The following ATP13A3 variants were observed in gnomAD, a reference collection of about 807,000 sequenced individuals.
ATP13A3 encodes ATPase 13A3.
ATP13A3 carries 59 observed loss-of-function variants against 158.1 expected under a neutral mutation model. The ratio of observed to expected loss-of-function variants is 0.37; its 90% confidence interval spans 0.30 to 0.46. ATP13A3 has a LOEUF of 0.46. ATP13A3 is among the 20% of genes least tolerant of loss of function. The pLI, the probability that ATP13A3 is intolerant of heterozygous loss-of-function variation, is 1.00. For synonymous variants in ATP13A3, 491 were observed against 504.3 expected (o/e 0.97, Z 0.35); for missense variants, 1,166 against 1,525.2 (o/e 0.76, Z 3.92).
rs954398355 is a variant in ATP13A3, at chr3:194,450,468, A to AT, written c.839-193_839-192insA. ...ACAAAGCACGGTGTGTCAGCTAGTT[A>AT]GTCTCCTGCTAGGACACCAGCTGTG... On this transcript the variant is annotated intron_variant, in intron 10 of 33. Coordinates refer to ENST00000645319, the MANE Select transcript of ATP13A3 (RefSeq NM_001367549.1). 57 of 548,700 alleles carry AT rather than the reference A, an allele frequency of 1.0e-4. No homozygotes were observed. The African/African-American group carries it at 1.0e-3, about 10-fold the overall frequency. The allele number at this position is 548,700 out of a possible 1,614,324, so 34.0% of individuals were successfully genotyped here. A position where few individuals can be genotyped will look rare whatever the true frequency, so the allele number is the denominator to read the frequency against.
At position 194,437,325 on chromosome 3, in the gene ATP13A3, C is replaced by G; in HGVS notation, c.1985G>C (p.Cys662Ser). Residue 662 changes from cysteine to serine, a missense_variant, in exon 19 of 34, where the codon TGT becomes TCT. Transcript: ENST00000645319. ...TATTTCCTTACCTGTTTCAGGTTTA[C>G]AGAGACCGGCAATGGCCTCGGGCGC... ...KGAPEAIAGLCKPETVPVDFQ... is the reference protein window; with the variant it reads ...KGAPEAIAGLSKPETVPVDFQ... 1.2e-6 allele frequency: 2 copies of G among 1,614,222 alleles called. No homozygotes were observed. Among genetic ancestry groups the G allele is most frequent in the Non-Finnish European group, 1.7e-6 (2 of 1,180,046 alleles).
rs766275739 is a variant in ATP13A3, at chr3:194,430,935, A to G, written c.2624+8T>C. The G allele has an allele frequency of 2.5e-6, 4 of 1,604,170 alleles. No individual in the cohort carries two copies. In the African/African-American group the frequency reaches 5.4e-5, roughly 21 times the overall value. On this transcript the variant is annotated splice_region_variant and intron_variant, in intron 24 of 33. Transcript: ENST00000645319. ...AAAACCAAAACCAAAAAAGACACCAATACTTACTCAACATTTTGCAATGCT... is the reference window on the plus strand; with the variant it reads ...AAAACCAAAACCAAAAAAGACACCAGTACTTACTCAACATTTTGCAATGCT...
At chr3:194,468,284 C>T (rs1249671347) in intron 2 of ATP13A3, 1 of 151,426 alleles carries the variant, frequency 6.6e-6, no homozygotes, top group Admixed American at 6.6e-5. Flanking sequence ...ACAGTGCATG[C>T]CTGAGTCTTG....
intron 2 of ATP13A3, among the ~76,000 whole-genome samples, chr3:194,465,805 A>AACACAC (rs370056574): frequency 6.1e-5 from 9 of 148,624 alleles, no homozygotes; most frequent in African/African-American, 2.2e-4. Flanking sequence ...CTCTACTAAA[A>AACACAC]ACACACACAC....
At chr3:194,436,401 T>A (rs1393212313) in intron 20 of ATP13A3, among the ~76,000 whole-genome samples, 1 of 152,164 alleles carries the variant, frequency 6.6e-6, no homozygotes, top group Non-Finnish European at 1.5e-5. Flanking sequence ...TATGACTCAT[T>A]ATATTCTGAT....
chr3:194,454,808 A>AGCGAGACT (rs1343744159), intron 8 of ATP13A3, among the ~76,000 whole-genome samples: 1 of 150,658 alleles, frequency 6.6e-6, no homozygotes, highest in African/African-American at 2.4e-5. Flanking sequence ...TGGGAGACAG[A>AGCGAGACT]GCGAGACTCC....
At chr3:194,450,096 C>A in intron 11 of ATP13A3, 49 bp downstream of exon 11, 1 of 1,583,884 alleles carries the variant, frequency 6.3e-7, no homozygotes, top group Non-Finnish European at 8.6e-7. Flanking sequence ...CTAACTTAGT[C>A]ATGATATATC....
At chr3:194,436,965 T>A in intron 20 of ATP13A3, 130 bp downstream of exon 20, 1 of 1,228,378 alleles carries the variant, frequency 8.1e-7, no homozygotes, top group Admixed American at 2.3e-5. Flanking sequence ...TTCAATCACC[T>A]AAAACAATAT....
rs547360499 is a variant in ATP13A3, at chr3:194,464,303, T to C, written c.-46-2067A>G. 4.6e-5 allele frequency among the ~76,000 whole-genome samples: 7 copies of C among 152,350 alleles called. No homozygotes were observed. The South Asian group carries it at 1.5e-3, about 32-fold the overall frequency. On this transcript the variant is annotated intron_variant, in intron 2 of 33. Coordinates refer to ENST00000645319, the MANE Select transcript of ATP13A3 (RefSeq NM_001367549.1). ...CAGTAAGATACTGAACTCAGTGCCA[T>C]TGTGGAAAAGGAGAAACCTTACACA...
intron 14 of ATP13A3, among the ~76,000 whole-genome samples, chr3:194,445,090 T>C (rs116050702): frequency 5.0e-3 from 756 of 151,884 alleles, no homozygotes; most frequent in Non-Finnish European, 7.6e-3. Context: ...GATGCACCAG[T>C]TAACCTATCT....
At chr3:194,463,581 T>C (rs1479370449) in intron 2 of ATP13A3, among the ~76,000 whole-genome samples, 1 of 152,174 alleles carries the variant, frequency 6.6e-6, no homozygotes, top group Admixed American at 6.5e-5. Flanking sequence ...ACCACTGCTT[T>C]ACATGAGGCT....
At chr3:194,411,576 G>C (rs1715433975) in intron 33 of ATP13A3, among the ~76,000 whole-genome samples, 1 of 152,092 alleles carries the variant, frequency 6.6e-6, no homozygotes, top group Non-Finnish European at 1.5e-5. Context: ...CACAGAACTT[G>C]CAATACCTTT....
intron 2 of ATP13A3, among the ~76,000 whole-genome samples, chr3:194,471,488 G>C (rs921678379): frequency 6.6e-6 from 1 of 151,962 alleles, no homozygotes; most frequent in Non-Finnish European, 1.5e-5. Context: ...TGAGTAGCTG[G>C]GACCACAGGT....
At chr3:194,430,490 C>T (rs1717139183) in intron 24 of ATP13A3, among the ~76,000 whole-genome samples, 175 bp from the exon 25 acceptor site, 1 of 152,174 alleles carries the variant, frequency 6.6e-6, no homozygotes, top group Non-Finnish European at 1.5e-5. Context: ...GCAAACAGCA[C>T]CAGACCACAA....
chr3:194,447,848 A>G lies in ATP13A3; in HGVS notation c.1308+4T>C, dbSNP rs1718510572. 6.2e-7 allele frequency: 1 copy of G among 1,605,262 alleles called. No homozygotes were observed. Among genetic ancestry groups the G allele is most frequent in the African/African-American group, 1.3e-5 (1 of 74,688 alleles). On this transcript the variant is annotated splice_donor_region_variant and intron_variant, in intron 13 of 33. Transcript: ENST00000645319. ...AAACCCTATTAAGAGTCCCACATAC[A>G]TACCTCATTTAAAATGCTATTAATA...
chr3:194,429,615 G>T, intron 27 of ATP13A3, 63 bp downstream of exon 27: 3 of 1,281,318 alleles, frequency 2.3e-6, no homozygotes, highest in Non-Finnish European at 3.3e-6. Context: ...AAACACATAC[G>T]CTCAACATCT....
intron 11 of ATP13A3, among the ~76,000 whole-genome samples, chr3:194,449,699 A>C (rs1035827193): frequency 3.6e-5 from 5 of 140,546 alleles, no homozygotes; most frequent in African/African-American, 8.7e-5. Flanking sequence ...CAAAAAAAAA[A>C]CAAAAAAAAA....
At chr3:194,483,808 T>A (rs115981014) in intron 2 of ATP13A3, among the ~76,000 whole-genome samples, 5,476 of 152,290 alleles carry the variant, frequency 0.036, 247 homozygotes, top group African/African-American at 0.11. Context: ...ACACTGCCTA[T>A]CGAGCAGCCC....
Position 194,404,087 on chromosome 3 carries a change from C to T in ATP13A3, c.*1832G>A, listed in dbSNP as rs955370321. On this transcript the variant is annotated 3_prime_UTR_variant, in exon 34 of 34. Transcript: ENST00000645319. ...TTGTGGAAATCACTGAAGAATAACA[C>T]GAGCATATTTGAAATTAATATGGAA... 5.6e-5 allele frequency: 25 copies of T among 450,126 alleles called. No individual in the cohort carries two copies. The highest frequency in any genetic ancestry group is 8.0e-5 in the Non-Finnish European group (18 of 225,024). The allele number at this position is 450,126 out of a possible 1,614,324, so 27.9% of individuals were successfully genotyped here.
Sources: gnomAD v4.1 joint callset for allele counts (sites outside exome capture counted in the v4.1 genomes callset) on GRCh38, gnomAD v4.1.1 for gene constraint, MANE v1.5 for transcripts, NCBI Gene and HGNC (gene_info 2026-07-23, HGNC 2026-07-21) for gene names.